The following UQCC1 variants were observed in gnomAD, a reference collection of about 807,000 sequenced individuals.
UQCC1 encodes the protein bFGF-repressed Zic-binding protein.
In UQCC1, 38 loss-of-function variants were observed where a neutral mutation model predicts 48.0. The observed-to-expected ratio is 0.79, with a 90% CI of 0.61 to 1.04. UQCC1 has a LOEUF of 1.04. Ranked by LOEUF, UQCC1 falls within the 50% of genes least tolerant of loss-of-function variation. The probability of loss-of-function intolerance (pLI) is 0.00; values close to 1 mark genes in which losing one functional copy is unlikely to be tolerated. For synonymous variants in UQCC1, 111 were observed against 129.2 expected, an observed-to-expected ratio of 0.86 and a Z score of 0.95; for missense variants, 368 against 381.8, an observed-to-expected ratio of 0.96 and a Z score of 0.30.
chr20:35,349,943 C>T (rs538127316), intron 6 of UQCC1, among the ~76,000 whole-genome samples: 6 of 152,030 alleles, frequency 3.9e-5, no homozygotes, highest in African/African-American at 1.4e-4. Context: ...CAGTGAGCCA[C>T]GATGGTGCCA....
At chr20:35,312,581 A>G (rs2061006320) in intron 8 of UQCC1, among the ~76,000 whole-genome samples, 1 of 152,210 alleles carries the variant, frequency 6.6e-6, no homozygotes, top group South Asian at 2.1e-4. Flanking sequence ...GCTGAGTCAC[A>G]GGAAGTTCAG....
chr20:35,384,929 T>G (rs2061920473), intron 2 of UQCC1, among the ~76,000 whole-genome samples: 1 of 126,528 alleles, frequency 7.9e-6, no homozygotes, highest in Non-Finnish European at 1.5e-5. Flanking sequence ...ATCATGCCAC[T>G]GCACTCCAGC....
At chr20:35,388,166 G>C (rs1200431826) in intron 2 of UQCC1, among the ~76,000 whole-genome samples, 1 of 151,504 alleles carries the variant, frequency 6.6e-6, no homozygotes, top group Non-Finnish European at 1.5e-5. Context: ...TTTTTTAGTA[G>C]AGACAGGGTT....
chr20:35,400,532 G>A (rs1305650723), intron 1 of UQCC1, among the ~76,000 whole-genome samples: 16 of 146,210 alleles, frequency 1.1e-4, no homozygotes, highest in African/African-American at 2.3e-4. Context: ...GTCTCGCTCC[G>A]TTGCCCAGGC....
At chr20:35,386,090 G>C (rs1247652508) in intron 2 of UQCC1, among the ~76,000 whole-genome samples, 2 of 152,096 alleles carry the variant, frequency 1.3e-5, no homozygotes, top group African/African-American at 4.8e-5. Flanking sequence ...CTTATAATAT[G>C]TATAAAATTA....
At chr20:35,314,479 C>T (rs1337481485) in intron 8 of UQCC1, among the ~76,000 whole-genome samples, 2 of 152,170 alleles carry the variant, frequency 1.3e-5, no homozygotes, top group South Asian at 2.1e-4. Context: ...ATATTATATA[C>T]TGCTTTCTTT....
At chr20:35,304,332 T>C (rs1395474307) in intron 9 of UQCC1, among the ~76,000 whole-genome samples, 1 of 152,102 alleles carries the variant, frequency 6.6e-6, no homozygotes, top group African/African-American at 2.4e-5. Context: ...ATCACACCTC[T>C]GAATGGAGAC....
chr20:35,307,883 C>T (rs917878312), intron 8 of UQCC1, among the ~76,000 whole-genome samples: 1 of 152,196 alleles, frequency 6.6e-6, no homozygotes, highest in Non-Finnish European at 1.5e-5. Context: ...GCACAGAGTT[C>T]GAATGCCAGC....
At chr20:35,362,477 C>T (rs552825457) in intron 6 of UQCC1, among the ~76,000 whole-genome samples, 1 of 152,250 alleles carries the variant, frequency 6.6e-6, no homozygotes, top group African/African-American at 2.4e-5. Flanking sequence ...ATGCTTTAGC[C>T]TCCTGAGTAG....
At chr20:35,348,341 CTCATTTCATGCATGACCATAGT>C (rs1405191976) in intron 6 of UQCC1, among the ~76,000 whole-genome samples, 1 of 151,948 alleles carries the variant, frequency 6.6e-6, no homozygotes, top group Non-Finnish European at 1.5e-5. Context: ...AAACTAGTTC[CTCATTTCATGCATGACCATAGT>C]TCATTCTTTT....
At chr20:35,310,303 G>A (rs928865425) in intron 8 of UQCC1, among the ~76,000 whole-genome samples, 11 of 152,116 alleles carry the variant, frequency 7.2e-5, no homozygotes, top group Non-Finnish European at 1.2e-4. Flanking sequence ...AAACACAAGC[G>A]ATCCAGAGAG....
At chr20:35,308,838 C>G (rs1269691684) in intron 8 of UQCC1, among the ~76,000 whole-genome samples, 2 of 152,158 alleles carry the variant, frequency 1.3e-5, no homozygotes, top group Non-Finnish European at 2.9e-5. Flanking sequence ...CCTCAGCCTC[C>G]CAAGTAGCTG....
In UQCC1 at chr20:35,303,752, C is replaced by T; in HGVS notation, c.*183G>A. 1 of 816,660 alleles carries T rather than the reference C, an allele frequency of 1.2e-6. No individual in the cohort carries two copies. The highest frequency in any genetic ancestry group is 1.9e-6 in the Non-Finnish European group (1 of 518,832). 50.6% of individuals were successfully genotyped at this position (816,660 alleles called of 1,614,324 possible). A position where few individuals can be genotyped will look rare whatever the true frequency, so the allele number is the denominator to read the frequency against. On this transcript the variant is annotated 3_prime_UTR_variant, in exon 10 of 10. Coordinates refer to ENST00000374385, the MANE Select transcript of UQCC1 (RefSeq NM_018244.5). ...AGCTAGGGGTTCTCCCAGCCCTGTA[C>T]CCCAGCAGATCAGACTCCTGGGCAC...
chr20:35,361,560 T>C (rs1238234639), intron 6 of UQCC1, among the ~76,000 whole-genome samples: 1 of 152,240 alleles, frequency 6.6e-6, no homozygotes, highest in African/African-American at 2.4e-5. Flanking sequence ...TATGAATCTA[T>C]GTTTAAGTAG....
chr20:35,363,152 T>G (rs1336265874), intron 6 of UQCC1, among the ~76,000 whole-genome samples: 1 of 152,046 alleles, frequency 6.6e-6, no homozygotes, highest in East Asian at 1.9e-4. Flanking sequence ...GGTCACAAAG[T>G]AACATGCATT....
intron 1 of UQCC1, among the ~76,000 whole-genome samples, chr20:35,409,181 A>G (rs1171550206): frequency 2.6e-5 from 4 of 152,160 alleles, no homozygotes; most frequent in African/African-American, 9.7e-5. Flanking sequence ...AAAAAGTTTC[A>G]AAGGTGGCCA....
chr20:35,382,512 C>CTTT (rs1162371421), intron 3 of UQCC1, among the ~76,000 whole-genome samples: 13 of 108,282 alleles, frequency 1.2e-4, no homozygotes, highest in Admixed American at 2.8e-4. Context: ...TTTCTTTTTT[C>CTTT]TTTTTTTTTT....
chr20:35,328,676 A>C (rs2061224474), intron 7 of UQCC1, among the ~76,000 whole-genome samples: 1 of 152,166 alleles, frequency 6.6e-6, no homozygotes, highest in Non-Finnish European at 1.5e-5. Flanking sequence ...TATAAACTCA[A>C]CCCAATCCCC....
At chr20:35,360,175 G>A (rs2061590628) in intron 6 of UQCC1, among the ~76,000 whole-genome samples, 2 of 152,190 alleles carry the variant, frequency 1.3e-5, no homozygotes, top group Admixed American at 6.5e-5. Flanking sequence ...CTACAAGCGT[G>A]GGTGTTTGAA....
Sources: allele counts gnomAD v4.1 joint callset (sites outside exome capture counted in the v4.1 genomes callset), GRCh38; gene constraint gnomAD v4.1.1; transcripts MANE v1.5; gene names NCBI Gene and HGNC (gene_info 2026-07-23, HGNC 2026-07-21).